Variants in ADAMTSL1 observed in about 807,000 individuals in gnomAD.
The protein encoded by ADAMTSL1 is ADAMTS-like protein 1.
A neutral mutation model predicts 201.8 loss-of-function variants in ADAMTSL1; 126 were observed. The observed-to-expected ratio is 0.62, with a 90% CI of 0.54 to 0.72. ADAMTSL1 has a LOEUF of 0.72. ADAMTSL1 is among the 30% of genes least tolerant of loss of function. ADAMTSL1 has a pLI of 0.00. For synonymous variants in ADAMTSL1, 1,121 were observed against 903.4 expected, an observed-to-expected ratio of 1.24 and a Z score of -4.32; for missense variants, 2,679 against 2,277.8, an observed-to-expected ratio of 1.18 and a Z score of -3.59.
chr9:18,170,057 T>A (rs1216745340), intron 2 of ADAMTSL1, among the ~76,000 whole-genome samples: 1 of 151,974 alleles, frequency 6.6e-6, no homozygotes, highest in African/African-American at 2.4e-5. Context: ...AATCAGAACA[T>A]CCTACATAGT....
chr9:18,527,487 T>C (rs1439364532), intron 2 of ADAMTSL1, among the ~76,000 whole-genome samples: 1 of 152,130 alleles, frequency 6.6e-6, no homozygotes, highest in Non-Finnish European at 1.5e-5. Context: ...ATGCCCCTTT[T>C]TAAAAAGGCT....
intron 1 of ADAMTSL1, among the ~76,000 whole-genome samples, chr9:17,949,092 G>A (rs1400690145): frequency 6.6e-6 from 1 of 152,180 alleles, no homozygotes; most frequent in Non-Finnish European, 1.5e-5. Context: ...AAGGTACAAT[G>A]TTAAAGCATA....
At chr9:18,795,198 T>C (rs562107475) in intron 19 of ADAMTSL1, among the ~76,000 whole-genome samples, 199 bp from the exon 20 acceptor site, 2 of 151,964 alleles carry the variant, frequency 1.3e-5, no homozygotes, top group African/African-American at 4.8e-5. Flanking sequence ...ACCTCCTTAT[T>C]TGAGATCACT....
chr9:18,678,885 C>G (rs974809756), intron 10 of ADAMTSL1, among the ~76,000 whole-genome samples: 1 of 152,136 alleles, frequency 6.6e-6, no homozygotes, highest in African/African-American at 2.4e-5. Context: ...AAACTCTCTA[C>G]AGAGCTACTT....
chr9:18,250,237 C>G (rs978968030), intron 2 of ADAMTSL1, among the ~76,000 whole-genome samples: 4 of 152,166 alleles, frequency 2.6e-5, no homozygotes, highest in African/African-American at 9.7e-5. Context: ...TCAGGGTTAT[C>G]ATTGAGATTG....
intron 2 of ADAMTSL1, among the ~76,000 whole-genome samples, chr9:18,165,006 A>G (rs957512667): frequency 3.3e-5 from 5 of 151,798 alleles, no homozygotes; most frequent in African/African-American, 7.3e-5. Flanking sequence ...GAGGTTCCCA[A>G]TGGTGCTATA....
rs1312677435 is a variant in ADAMTSL1 at position 18,684,713 on chromosome 9, C to T, written c.1490-3C>T. The T allele has an allele frequency of 1.2e-6, 2 of 1,612,390 alleles. No homozygotes were observed. Among genetic ancestry groups the T allele is most frequent in the South Asian group, 1.1e-5 (1 of 90,300 alleles). ...TTTGTATGTGCATGCACTGAATTCT[C>T]AGAGAAACTTCCAGTCGAGGCCAAG... On this transcript the variant is annotated splice_polypyrimidine_tract_variant and splice_region_variant and intron_variant, in intron 12 of 28. Transcript: ENST00000380548.
intron 1 of ADAMTSL1, among the ~76,000 whole-genome samples, chr9:18,153,214 G>T (rs1250479257): frequency 6.6e-6 from 1 of 151,934 alleles, no homozygotes; most frequent in African/African-American, 2.4e-5. Context: ...ACCCAAACAG[G>T]GGATAGAGAC....
chr9:18,856,216 T>C (rs1826837749), intron 23 of ADAMTSL1, among the ~76,000 whole-genome samples: 1 of 152,118 alleles, frequency 6.6e-6, no homozygotes. Context: ...AAAAGTTAAA[T>C]TGGAGGAAAA....
At chr9:18,210,999 C>T (rs1300815442) in intron 2 of ADAMTSL1, among the ~76,000 whole-genome samples, 23 of 151,520 alleles carry the variant, frequency 1.5e-4, no homozygotes, top group Admixed American at 1.3e-3. Flanking sequence ...AGGAGAGAAG[C>T]GACAAGGTGG....
chr9:18,272,379 G>A (rs985141969), intron 2 of ADAMTSL1, among the ~76,000 whole-genome samples: 7 of 152,132 alleles, frequency 4.6e-5, no homozygotes, highest in African/African-American at 1.7e-4. Flanking sequence ...TTCAACAAAT[G>A]GTGCTGGGAA....
chr9:18,042,680 T>C (rs1163176878), intron 1 of ADAMTSL1, among the ~76,000 whole-genome samples: 1 of 152,180 alleles, frequency 6.6e-6, no homozygotes, highest in East Asian at 1.9e-4. Flanking sequence ...GTGTGTTTCT[T>C]TCTGGAAGCC....
chr9:18,298,724 C>G (rs1278468039), intron 2 of ADAMTSL1, among the ~76,000 whole-genome samples: 1 of 151,316 alleles, frequency 6.6e-6, no homozygotes, highest in South Asian at 2.1e-4. Context: ...TAATTAGTGT[C>G]AGTCAAGAAC....
intron 2 of ADAMTSL1, among the ~76,000 whole-genome samples, chr9:18,250,730 T>C (rs891982622): frequency 6.6e-6 from 1 of 152,056 alleles, no homozygotes; most frequent in Non-Finnish European, 1.5e-5. Context: ...GGCTTCTTGT[T>C]CCTGGGAAGC....
intron 2 of ADAMTSL1, among the ~76,000 whole-genome samples, chr9:18,315,148 G>A (rs1834329238): frequency 6.6e-6 from 1 of 152,114 alleles, no homozygotes; most frequent in Non-Finnish European, 1.5e-5. Flanking sequence ...TTTTGACAGG[G>A]TGCTGATTGG....
intron 1 of ADAMTSL1, among the ~76,000 whole-genome samples, chr9:17,972,221 G>C: frequency 7.0e-6 from 1 of 142,872 alleles, no homozygotes; most frequent in South Asian, 2.3e-4. Context: ...GTGCAGGTTT[G>C]TTACCTATGC....
chr9:18,842,244 T>C (rs2131324375), intron 23 of ADAMTSL1, among the ~76,000 whole-genome samples: 1 of 152,324 alleles, frequency 6.6e-6, no homozygotes, highest in South Asian at 2.1e-4. Context: ...TGTGTCTTTG[T>C]TCTCGTTGGT....
rs532651442 is a variant in ADAMTSL1 at position 18,684,672 on chromosome 9, G to A, written c.1490-44G>A. ...AGGAATTTTCCTAAAATCCCAGATT[G>A]GTTCTAACCTCTTCTTTTGTATGTG... On this transcript the variant is annotated intron_variant, in intron 12 of 28. Transcript: ENST00000380548. 3.1e-5 allele frequency: 49 copies of A among 1,578,830 alleles called. No individual in the cohort carries two copies. The South Asian group carries it at 5.1e-4, about 17-fold the overall frequency.
intron 2 of ADAMTSL1, among the ~76,000 whole-genome samples, chr9:18,293,085 A>G (rs1833336760): frequency 6.6e-6 from 1 of 152,240 alleles, no homozygotes; most frequent in African/African-American, 2.4e-5. Flanking sequence ...ACTAAGTGCC[A>G]GACATGATCT....
Sources: allele counts gnomAD v4.1 joint callset (sites outside exome capture counted in the v4.1 genomes callset), GRCh38; gene constraint gnomAD v4.1.1; transcripts MANE v1.5; gene names NCBI Gene and HGNC (gene_info 2026-07-23, HGNC 2026-07-21).